Variants in SCN8A observed in about 807,000 individuals in gnomAD.
SCN8A encodes the protein sodium voltage-gated channel alpha subunit 8.
A neutral mutation model predicts 184.1 loss-of-function variants in SCN8A; 30 were observed. The ratio of observed to expected loss-of-function variants is 0.16; its 90% CI spans 0.12 to 0.22. The LOEUF (loss-of-function observed/expected upper bound fraction) is 0.22, where lower values mean the gene tolerates loss of function less well. Among genes scored for constraint, SCN8A ranks in the 10% least tolerant of loss-of-function variants. The probability of loss-of-function intolerance (pLI) is 1.00; values close to 1 mark genes in which losing one functional copy is unlikely to be tolerated. For missense variants in SCN8A, 1,057 were observed against 2,498.9 expected (o/e 0.42, Z 12.30); for synonymous variants, 852 against 907.0 (o/e 0.94, Z 1.09).
At chr12:51,699,192 G>T (rs956018291) in intron 6 of SCN8A, among the ~76,000 whole-genome samples, 1 of 152,198 alleles carries the variant, frequency 6.6e-6, no homozygotes, top group African/African-American at 2.4e-5. Context: ...TAGGCACAGA[G>T]GACAAGATAA....
chr12:51,740,283 A>G (rs1327525469), intron 12 of SCN8A, among the ~76,000 whole-genome samples: 1 of 152,256 alleles, frequency 6.6e-6, no homozygotes, highest in African/African-American at 2.4e-5. Context: ...AGGTGCTGAT[A>G]GCTTTAAACT....
At chr12:51,770,427 T>G in intron 18 of SCN8A, 102 bp from the exon 19 acceptor site, 1 of 1,264,114 alleles carries the variant, frequency 7.9e-7, no homozygotes, top group Non-Finnish European at 1.1e-6. Context: ...CTCCTGGCTG[T>G]GTGGTGGGGC....
intron 12 of SCN8A, among the ~76,000 whole-genome samples, chr12:51,732,596 T>G (rs1942261188): frequency 6.6e-6 from 1 of 152,302 alleles, no homozygotes; most frequent in South Asian, 2.1e-4. Context: ...TTTTTTCTGT[T>G]TCTGTGAAGA....
At chr12:51,675,949 TAATA>T (rs1941215313) in intron 2 of SCN8A, among the ~76,000 whole-genome samples, 1 of 152,224 alleles carries the variant, frequency 6.6e-6, no homozygotes, top group South Asian at 2.1e-4. Context: ...AGTAAATGCT[TAATA>T]AATATTGAAT....
chr12:51,798,723 GATT>G (rs1464359214), intron 26 of SCN8A, among the ~76,000 whole-genome samples: 1 of 152,194 alleles, frequency 6.6e-6, no homozygotes, highest in African/African-American at 2.4e-5. Context: ...CTATCCACCT[GATT>G]ATTAAAAGCC....
At chr12:51,633,531 A>C (rs1940246649) in intron 1 of SCN8A, among the ~76,000 whole-genome samples, 1 of 152,202 alleles carries the variant, frequency 6.6e-6, no homozygotes, top group South Asian at 2.1e-4. Flanking sequence ...TTAATCTAGA[A>C]TATGTCTTTC....
In SCN8A at chr12:51,779,198, C is replaced by T. The variant is rs534787746; in HGVS notation, c.3820-1451C>T. On this transcript the variant is annotated intron_variant, in intron 20 of 26. Coordinates refer to ENST00000627620, the MANE Select transcript of SCN8A (RefSeq NM_001330260.2). The stretch of plus-strand genomic sequence containing the variant: ...TTGTGCCATTGCACTCCAGCCTGAG[C>T]GACAGAGTGAGACTTTGTCTCAAAA... 3.6e-3 allele frequency among the ~76,000 whole-genome samples: 493 copies of T among 136,848 alleles called. 1 individual carries two copies. Among genetic ancestry groups the T allele is most frequent in the South Asian group, 7.1e-3 (31 of 4,338 alleles). The allele number at this position is 136,848 out of a possible 152,430, so 89.8% of individuals were successfully genotyped here. A position where few individuals can be genotyped will look rare whatever the true frequency, so the allele number is the denominator to read the frequency against.
At chr12:51,604,394 T>C (rs556586170) in intron 1 of SCN8A, among the ~76,000 whole-genome samples, 1 of 152,364 alleles carries the variant, frequency 6.6e-6, no homozygotes, top group Admixed American at 6.5e-5. Flanking sequence ...GGTTTATTTC[T>C]GGGCTCTCTC....
chr12:51,802,745 C>T (rs976453662), intron 26 of SCN8A, among the ~76,000 whole-genome samples: 6 of 152,172 alleles, frequency 3.9e-5, no homozygotes, highest in South Asian at 2.1e-4. Flanking sequence ...AAATGTATTA[C>T]GTACAGAGTC....
At chr12:51,726,000 C>CT (rs1942149738) in intron 12 of SCN8A, among the ~76,000 whole-genome samples, 1 of 152,184 alleles carries the variant, frequency 6.6e-6, no homozygotes, top group Non-Finnish European at 1.5e-5. Context: ...AATATTCCTG[C>CT]TTAGGCTATG....
At position 51,806,573 on chromosome 12, in the gene SCN8A, T is replaced by G; in HGVS notation, c.5087T>G (p.Ile1696Ser). The change falls in exon 27 of 27, where the codon ATC becomes AGC. Residue 1696 changes from isoleucine (I) to serine (S), a missense_variant. This residue lies in a region of SCN8A where 19 missense variants were observed against 41.6 expected (regional missense o/e 0.46). Transcript: ENST00000627620. This position sits in a 1 kb window ranked among gnomAD's most constrained non-coding sequence, Gnocchi z 8.7. ...TTTGAGACATTTGGCAACAGCATGA[T>G]CTGCCTGTTTCAAATCACAACCTCA... ...FNFETFGNSM[I>S]CLFQITTSAG... The G allele has an allele frequency of 6.2e-7, 1 of 1,614,212 alleles. No individual in the cohort carries two copies. The highest frequency in any genetic ancestry group is 8.5e-7 in the Non-Finnish European group (1 of 1,180,040).
At chr12:51,635,048 A>G (rs1940285902) in intron 1 of SCN8A, among the ~76,000 whole-genome samples, 1 of 152,242 alleles carries the variant, frequency 6.6e-6, no homozygotes, top group Non-Finnish European at 1.5e-5. Context: ...AATAGTCTAC[A>G]AGTTAACCAC....
intron 5 of SCN8A, chr12:51,688,684 A>T (rs1288692709): frequency 1.0e-6 from 1 of 990,854 alleles, no homozygotes; most frequent in Non-Finnish European, 1.6e-6. Context: ...TGTATATAAG[A>T]CCCTTTCTTC....
intron 12 of SCN8A, among the ~76,000 whole-genome samples, chr12:51,731,411 C>T (rs914753054): frequency 4.6e-5 from 7 of 152,008 alleles, no homozygotes; most frequent in African/African-American, 1.2e-4. Context: ...CCACCACGCC[C>T]GGCTAATTTT....
intron 2 of SCN8A, among the ~76,000 whole-genome samples, chr12:51,669,948 T>C (rs1941101909): frequency 6.6e-6 from 1 of 152,254 alleles, no homozygotes; most frequent in Admixed American, 6.5e-5. Context: ...TTGTATTTCC[T>C]GCTTTTGCAC....
In SCN8A at chr12:51,807,620, G is replaced by A. The variant is rs1050276546; in HGVS notation, c.*191G>A. On this transcript the variant is annotated 3_prime_UTR_variant, in exon 27 of 27. Transcript: ENST00000627620. The surrounding 1 kb of genome is among the most constrained non-coding windows in gnomAD (Gnocchi z 4.5). ...TGACCTGCCAAGGGCAAAGGACCCC[G>A]CTCCCTAGACTTACAGATTTTCTAA... is the stretch of plus-strand genomic sequence containing the variant. The A allele has an allele frequency of 1.7e-5, 11 of 637,554 alleles. No individual in the cohort carries two copies. Among genetic ancestry groups the A allele is most frequent in the Middle Eastern group, 4.2e-4 (1 of 2,362 alleles). The allele number at this position is 637,554 out of a possible 1,614,324, so 39.5% of individuals were successfully genotyped here.
Position 51,610,383 on chromosome 12 carries a change from G to A in SCN8A, c.-55+19024G>A, listed in dbSNP as rs191072007. On this transcript the variant is annotated intron_variant, in intron 1 of 26. Coordinates refer to ENST00000627620, the MANE Select transcript of SCN8A (RefSeq NM_001330260.2). Reference sequence around the variant, plus strand: ...GCCATTTATATTCAATGTTAGTATTGAGATGTGAGGTACCGTTGCATTCAT... The same window carrying A: ...GCCATTTATATTCAATGTTAGTATTAAGATGTGAGGTACCGTTGCATTCAT... Among the ~76,000 whole-genome samples, 122 of 152,196 alleles carry A rather than the reference G, an allele frequency of 8.0e-4. 1 individual carries two copies. Among genetic ancestry groups the A allele is most frequent in the African/African-American group, 2.8e-3 (115 of 41,540 alleles).
chr12:51,810,527 T>C lies in SCN8A; in HGVS notation c.*3098T>C, dbSNP rs909958031. The C allele has an allele frequency of 2.4e-5, 5 of 204,228 alleles. No individual in the cohort carries two copies. Among genetic ancestry groups the C allele is most frequent in the Non-Finnish European group, 5.0e-5 (5 of 100,352 alleles). 12.7% of individuals were successfully genotyped at this position (204,228 alleles called of 1,614,324 possible). On this transcript the variant is annotated 3_prime_UTR_variant, in exon 27 of 27. Coordinates refer to ENST00000627620, the MANE Select transcript of SCN8A (RefSeq NM_001330260.2). ...CAGCCACAGTATCACTGCACATATATATATAGATATATAAATATAATATAA... is the reference window on the plus strand; with the variant it reads ...CAGCCACAGTATCACTGCACATATACATATAGATATATAAATATAATATAA...
At chr12:51,789,219 C>T in intron 23 of SCN8A, 62 bp from the exon 24 acceptor site, 2 of 1,585,478 alleles carry the variant, frequency 1.3e-6, no homozygotes, top group Non-Finnish European at 1.7e-6. Context: ...GGCTGATGGC[C>T]TTGGCGTGTC....
Sources: allele counts gnomAD v4.1 joint callset (sites outside exome capture counted in the v4.1 genomes callset), GRCh38; gene constraint gnomAD v4.1.1; regional missense constraint gnomAD v4.1.1; non-coding constraint Gnocchi (gnomAD v3.1); transcripts MANE v1.5; gene names NCBI Gene and HGNC (gene_info 2026-07-23, HGNC 2026-07-21).